The following DPPA4 variants were observed in gnomAD, a reference collection of about 807,000 sequenced individuals.
The protein encoded by DPPA4 is developmental pluripotency-associated protein 4.
Under a neutral mutation model 33.7 loss-of-function variants are expected in DPPA4, and 22 were observed. The ratio of observed to expected loss-of-function variants is 0.65; its 90% CI spans 0.47 to 0.93. The LOEUF (loss-of-function observed/expected upper bound fraction) is 0.93, where lower values mean the gene tolerates loss of function less well. Among genes scored for constraint, DPPA4 ranks in the 40% least tolerant of loss-of-function variants. The probability of loss-of-function intolerance (pLI) is 0.00; values close to 1 mark genes in which losing one functional copy is unlikely to be tolerated. For missense variants in DPPA4, 340 were observed against 358.6 expected, an observed-to-expected ratio of 0.95 and a Z score of 0.42; for synonymous variants, 156 against 132.3, an observed-to-expected ratio of 1.18 and a Z score of -1.23.
chr3:109,334,584 C>A, intron 1 of DPPA4, among the ~76,000 whole-genome samples: 1 of 152,006 alleles, frequency 6.6e-6, no homozygotes, highest in Non-Finnish European at 1.5e-5. Context: ...TCATCTCTCA[C>A]CTGGCAGAAT....
chr3:109,330,485 C>A, intron 5 of DPPA4, 39 bp downstream of exon 5: 1 of 1,608,044 alleles, frequency 6.2e-7, no homozygotes, highest in South Asian at 1.1e-5. Context: ...AAGCTTATTT[C>A]CCCATTGGAC....
chr3:109,329,401 G>A, intron 5 of DPPA4: 1 of 252,628 alleles, frequency 4.0e-6, no homozygotes, highest in South Asian at 5.6e-5. Context: ...CAGGCGTGGT[G>A]GCGGGGGCCT....
rs150068868 is a variant in DPPA4, at chr3:109,329,045, G to A, written c.723C>T (p.Asp241=). Residue 241 remains aspartate, a synonymous_variant, in exon 6 of 7, where the codon GAC becomes GAT. Coordinates refer to ENST00000335658, the MANE Select transcript of DPPA4 (RefSeq NM_018189.4). ...ACTGCAGGTGAACCCAACCATCTGT[G>A]TCTGCAGGGAGACTTTTCCCATGGA... ...CVVHGKSLPA[D]TDGWVHLQFH... 6.2e-7 allele frequency: 1 copy of A among 1,614,038 alleles called. No homozygotes were observed. Among genetic ancestry groups the A allele is most frequent in the Admixed American group, 1.7e-5 (1 of 59,984 alleles).
chr3:109,332,091 A>G (rs1708093604), intron 2 of DPPA4, 60 bp from the exon 3 acceptor site: 1 of 1,441,022 alleles, frequency 6.9e-7, no homozygotes, highest in Non-Finnish European at 9.4e-7. Context: ...TCTGAATTTC[A>G]AAAGTAAAAT....
intron 1 of DPPA4, among the ~76,000 whole-genome samples, chr3:109,335,951 G>C (rs1708186795): frequency 6.6e-6 from 1 of 151,324 alleles, no homozygotes; most frequent in South Asian, 2.1e-4. Context: ...TCAGGAGTTC[G>C]AGACCAGCCT....
At chr3:109,335,707 G>A (rs1708179665) in intron 1 of DPPA4, among the ~76,000 whole-genome samples, 1 of 151,966 alleles carries the variant, frequency 6.6e-6, no homozygotes. Flanking sequence ...TGGGATTACA[G>A]GCGTGTGCCA....
chr3:109,335,947 G>A (rs950697376), intron 1 of DPPA4, among the ~76,000 whole-genome samples: 3 of 151,690 alleles, frequency 2.0e-5, no homozygotes, highest in African/African-American at 7.3e-5. Flanking sequence ...GAGGTCAGGA[G>A]TTCGAGACCA....
rs181734658 is a variant in DPPA4 at position 109,334,500 on chromosome 3, A to C, written c.55-507T>G. On this transcript the variant is annotated intron_variant, in intron 1 of 6. Coordinates refer to ENST00000335658, the MANE Select transcript of DPPA4 (RefSeq NM_018189.4). ...AGGTAGGTAGAGGCTGCACCACTGC[A>C]CTCCAGCCTGGGTGACAGAATGAGA... 8.6e-5 allele frequency among the ~76,000 whole-genome samples: 13 copies of C among 151,604 alleles called. 1 individual carries two copies. In the East Asian group the frequency reaches 2.5e-3, roughly 30 times the overall value.
intron 2 of DPPA4, chr3:109,333,378 A>C (rs1015821929): frequency 6.8e-6 from 1 of 146,198 alleles, no homozygotes; most frequent in Non-Finnish European, 1.5e-5. Flanking sequence ...AAAAAAAAAA[A>C]ACCAGCCTGT....
rs756261474 is a variant in DPPA4 at position 109,330,402 on chromosome 3, C to T, written c.679+122G>A. 36 of 1,066,498 alleles carry T rather than the reference C, an allele frequency of 3.4e-5. 2 individuals are homozygous for T. The South Asian group carries it at 4.5e-4, about 13-fold the overall frequency. 66.1% of individuals were successfully genotyped at this position (1,066,498 alleles called of 1,614,324 possible). On this transcript the variant is annotated intron_variant, in intron 5 of 6. Coordinates refer to ENST00000335658, the MANE Select transcript of DPPA4 (RefSeq NM_018189.4). ...AGACCTGCACCAGAAACTCTGTGGG[C>T]AGGGTCCAGGAATCACCGGCCCTCA... is the stretch of plus-strand genomic sequence containing the variant.
intron 4 of DPPA4, 35 bp from the exon 5 acceptor site, chr3:109,330,847 C>A: frequency 1.3e-6 from 2 of 1,534,784 alleles, no homozygotes; most frequent in Admixed American, 2.1e-5. Flanking sequence ...GATAAAAATA[C>A]AGATTAAAAT....
At chr3:109,339,476 C>G (rs1287277771), upstream of DPPA4, among the ~76,000 whole-genome samples, 1 of 151,960 alleles carries the variant, frequency 6.6e-6, no homozygotes, top group African/African-American at 2.4e-5. Flanking sequence ...ATGTTGGGAT[C>G]AGAAGAGCAG....
chr3:109,335,723 C>T (rs1294667855), intron 1 of DPPA4, among the ~76,000 whole-genome samples: 4 of 152,080 alleles, frequency 2.6e-5, no homozygotes, highest in East Asian at 1.9e-4. Flanking sequence ...TGCCACTGTG[C>T]CTGGCCTTGG....
chr3:109,331,564 A>AG (rs1553697018), intron 4 of DPPA4, among the ~76,000 whole-genome samples, 170 bp downstream of exon 4: 26 of 106,180 alleles, frequency 2.4e-4, no homozygotes, highest in East Asian at 2.0e-3. Flanking sequence ...AAAAAAAAAA[A>AG]AAAGAAAGAA....
At chr3:109,330,145 G>C (rs1177388) in intron 5 of DPPA4, 166,468 of 253,948 alleles carry the variant, frequency 0.66, 56,496 homozygotes, top group East Asian at 1. Context: ...CTACTAAAAA[G>C]ACAACATTAG....
upstream of DPPA4, among the ~76,000 whole-genome samples, chr3:109,337,900 G>A (rs1178115567): frequency 3.3e-5 from 5 of 152,152 alleles, no homozygotes; most frequent in Admixed American, 1.3e-4. Flanking sequence ...AATGGAACTT[G>A]TGGCAACAGT....
At chr3:109,336,888 G>C (rs1708225774) in intron 1 of DPPA4, among the ~76,000 whole-genome samples, 1 of 152,118 alleles carries the variant, frequency 6.6e-6, no homozygotes. Context: ...ACACAAACCT[G>C]AAAACCTAAT....
At chr3:109,330,873 C>CAAAGGGT in intron 4 of DPPA4, 61 bp from the exon 5 acceptor site, 2 of 1,447,058 alleles carry the variant, frequency 1.4e-6, no homozygotes, top group Non-Finnish European at 1.9e-6. Flanking sequence ...CAAAAATGGC[C>CAAAGGGT]TAAGGAGCTC....
At chr3:109,330,397 G>T in intron 5 of DPPA4, 127 bp downstream of exon 5, 1 of 1,010,696 alleles carries the variant, frequency 9.9e-7, no homozygotes, top group Non-Finnish European at 1.5e-6. Context: ...CAGAAACTCT[G>T]TGGGCAGGGT....
Sources: allele counts gnomAD v4.1 joint callset (sites outside exome capture counted in the v4.1 genomes callset), GRCh38; gene constraint gnomAD v4.1.1; transcripts MANE v1.5; gene names NCBI Gene and HGNC (gene_info 2026-07-23, HGNC 2026-07-21).